Variants in COL4A2 observed in about 807,000 individuals in gnomAD.
COL4A2 encodes the protein collagen alpha-2(IV) chain.
Under a neutral mutation model 200.2 loss-of-function variants are expected in COL4A2, and 99 were observed. The ratio of observed to expected loss-of-function variants is 0.49; its 90% CI spans 0.42 to 0.58. COL4A2 has a LOEUF of 0.58. Ranked by LOEUF, COL4A2 falls within the 20% of genes least tolerant of loss-of-function variation. The pLI, the probability that COL4A2 is intolerant of heterozygous loss-of-function variation, is 0.00. For missense variants in COL4A2, 1,950 were observed against 2,314.1 expected, an observed-to-expected ratio of 0.84 and a Z score of 3.23; for synonymous variants, 897 against 900.6, an observed-to-expected ratio of 1.00 and a Z score of 0.07.
intron 27 of COL4A2, 71 bp downstream of exon 27, chr13:110,467,167 G>C (rs112808763): frequency 1.9e-6 from 3 of 1,587,906 alleles, no homozygotes; most frequent in South Asian, 1.1e-5. Context: ...TGTCTCCCCC[G>C]CCCATCTTTC....
chr13:110,398,992 T>C (rs1291471682), intron 4 of COL4A2, among the ~76,000 whole-genome samples: 1 of 152,126 alleles, frequency 6.6e-6, no homozygotes, highest in African/African-American at 2.4e-5. Flanking sequence ...CGGTTTTTAG[T>C]TGTAAGAAGC....
chr13:110,325,886 C>T lies in COL4A2; in HGVS notation c.99+17763C>T, dbSNP rs113647118. ...GAAACCTCCACCTCCTGGGTTCAAG[C>T]GATTCTCCTGCCTCAGCCTCCCAAG... On this transcript the variant is annotated intron_variant, in intron 3 of 47. Transcript: ENST00000360467. 2.2e-3 allele frequency among the ~76,000 whole-genome samples: 327 copies of T among 152,000 alleles called. 1 individual carries two copies. The highest frequency in any genetic ancestry group is 7.6e-3 in the African/African-American group (313 of 41,440).
Position 110,458,954 on chromosome 13 carries a change from T to G in COL4A2, c.1596+20T>G, listed in dbSNP as rs1881902846. ...CTCAAGGTGAGGAGCAATTTCATCA[T>G]GAAGCTGGCAAGACACTCTGAGGCC... On this transcript the variant is annotated intron_variant, in intron 22 of 47. Transcript: ENST00000360467. The G allele has an allele frequency of 1.3e-6, 2 of 1,526,568 alleles. No homozygotes were observed. The highest frequency in any genetic ancestry group is 2.0e-4 in the Middle Eastern group (1 of 5,072). The allele number at this position is 1,526,568 out of a possible 1,614,324, so 94.6% of individuals were successfully genotyped here.
chr13:110,347,438 G>A (rs1426007584), intron 3 of COL4A2, among the ~76,000 whole-genome samples: 1 of 152,206 alleles, frequency 6.6e-6, no homozygotes, highest in African/African-American at 2.4e-5. Context: ...CAAAGGACCA[G>A]TCACTTCTCT....
chr13:110,385,932 A>G lies in COL4A2; in HGVS notation c.180+28380A>G, dbSNP rs1456253980. On this transcript the variant is annotated intron_variant, in intron 4 of 47. Transcript: ENST00000360467. ...TACAGCGTGTGGATGGGCCGTGGTTACAGCGTGTGGATGGGCCGTGGTCAC... is the reference window on the plus strand; with the variant it reads ...TACAGCGTGTGGATGGGCCGTGGTTGCAGCGTGTGGATGGGCCGTGGTCAC... 1.6e-5 allele frequency among the ~76,000 whole-genome samples: 2 copies of G among 122,384 alleles called. 1 individual carries two copies. Among genetic ancestry groups the G allele is most frequent in the African/African-American group, 7.5e-5 (2 of 26,708 alleles). 80.3% of individuals were successfully genotyped at this position (122,384 alleles called of 152,430 possible). A position where few individuals can be genotyped will look rare whatever the true frequency, so the allele number is the denominator to read the frequency against.
intron 15 of COL4A2, 109 bp downstream of exon 15, chr13:110,438,777 T>C: frequency 7.2e-7 from 1 of 1,387,724 alleles, no homozygotes; most frequent in Non-Finnish European, 1.0e-6. Context: ...GCAGAAAGTA[T>C]AGAGATTTCC....
chr13:110,411,012 T>C (rs1446521424), intron 4 of COL4A2, among the ~76,000 whole-genome samples: 1 of 152,176 alleles, frequency 6.6e-6, no homozygotes, highest in African/African-American at 2.4e-5. Context: ...GCTGCCTTCT[T>C]CTCGATGCTC....
intron 4 of COL4A2, among the ~76,000 whole-genome samples, chr13:110,365,643 G>A (rs1375797517): frequency 1.3e-5 from 2 of 152,066 alleles, no homozygotes; most frequent in African/African-American, 4.8e-5. Flanking sequence ...CTCTGAACCT[G>A]CCCTTTCTCC....
chr13:110,411,316 T>C (rs1321529103), intron 4 of COL4A2, among the ~76,000 whole-genome samples: 1 of 152,216 alleles, frequency 6.6e-6, no homozygotes, highest in Non-Finnish European at 1.5e-5. Flanking sequence ...TTAGAAAATC[T>C]TCCTAATGCA....
intron 42 of COL4A2, 26 bp downstream of exon 42, chr13:110,503,308 AGCAGCCCTGGC>A: frequency 1.3e-6 from 2 of 1,595,052 alleles, no homozygotes; most frequent in Non-Finnish European, 1.7e-6. Context: ...GCCATGGGCC[AGCAGCCCTGGC>A]CACAGTGAGA....
chr13:110,333,727 C>T (rs543855996), intron 3 of COL4A2, among the ~76,000 whole-genome samples: 6 of 152,328 alleles, frequency 3.9e-5, no homozygotes, highest in African/African-American at 1.2e-4. Flanking sequence ...CGAGTCTGAA[C>T]TCGTTGCCAT....
At chr13:110,436,114 T>G in intron 12 of COL4A2, 155 bp from the exon 13 acceptor site, 1 of 1,110,926 alleles carries the variant, frequency 9.0e-7, no homozygotes, top group Non-Finnish European at 1.4e-6. Context: ...TTAGGATTAC[T>G]CTATTTTGTG....
At chr13:110,463,036 T>G (rs1451264395) in intron 24 of COL4A2, 1 of 154,562 alleles carries the variant, frequency 6.5e-6, no homozygotes, top group Non-Finnish European at 1.5e-5. Context: ...CTTAAGCTCT[T>G]TGTACTGGTT....
At chr13:110,312,874 C>A (rs1290987120) in intron 3 of COL4A2, among the ~76,000 whole-genome samples, 2 of 152,136 alleles carry the variant, frequency 1.3e-5, no homozygotes, top group African/African-American at 4.8e-5. Context: ...GGCTCTGGAG[C>A]CTGGAAGAGA....
chr13:110,430,666 T>G (rs1303992983), intron 10 of COL4A2, 59 bp downstream of exon 10: 2 of 1,608,122 alleles, frequency 1.2e-6, no homozygotes, highest in Admixed American at 1.7e-5. Context: ...CCCTTCCAGA[T>G]GCCACTTCTT....
At chr13:110,309,332 G>T (rs1884907824) in intron 3 of COL4A2, among the ~76,000 whole-genome samples, 1 of 152,162 alleles carries the variant, frequency 6.6e-6, no homozygotes, top group African/African-American at 2.4e-5. Flanking sequence ...TTCCAGTTCA[G>T]GTCTGTCTCT....
chr13:110,438,064 T>A, intron 14 of COL4A2, 27 bp downstream of exon 14: 1 of 1,606,296 alleles, frequency 6.2e-7, no homozygotes, highest in Non-Finnish European at 8.5e-7. Flanking sequence ...GCATGCCCCC[T>A]CCCCTGTGGC....
chr13:110,466,435 A>G (rs892689084), intron 26 of COL4A2, among the ~76,000 whole-genome samples: 2 of 152,184 alleles, frequency 1.3e-5, no homozygotes, highest in African/African-American at 4.8e-5. Context: ...ATTCCCAGGC[A>G]CACAGACAAA....
rs201956616 is a variant in COL4A2, at chr13:110,508,077, C to T, written c.4737C>T (p.Ala1579=). ...CGCCGCTGCCCATGATGCCCGTGGC[C>T]GAGGACGAGATCAAGCCCTACATCA... ...TTAPLPMMPV[A]EDEIKPYISR... is the part of the protein sequence containing the mutation. The change falls in exon 47 of 48, where the codon GCC becomes GCT. Residue 1579 remains alanine, a synonymous_variant. Coordinates refer to ENST00000360467, the MANE Select transcript of COL4A2 (RefSeq NM_001846.4). The surrounding 1 kb of genome is among the most constrained non-coding windows in gnomAD (Gnocchi z 6.1). 3,461 of 1,614,234 alleles carry T rather than the reference C, an allele frequency of 2.1e-3. 10 individuals are homozygous for T. The highest frequency in any genetic ancestry group is 6.1e-3 in the South Asian group (553 of 91,084).
Sources: gnomAD v4.1 joint callset for allele counts (sites outside exome capture counted in the v4.1 genomes callset) on GRCh38, gnomAD v4.1.1 for gene constraint, Gnocchi (gnomAD v3.1) non-coding constraint, MANE v1.5 for transcripts, NCBI Gene and HGNC (gene_info 2026-07-23, HGNC 2026-07-21) for gene names.